The following KIRREL3 variants were observed in gnomAD, a reference collection of about 807,000 sequenced individuals.
KIRREL3 encodes the protein kirre like nephrin family adhesion molecule 3.
Under a neutral mutation model 89.7 loss-of-function variants are expected in KIRREL3, and 36 were observed. That is an observed-to-expected ratio of 0.40 (90% confidence interval 0.31 to 0.53). The LOEUF is 0.53. Ranked by LOEUF, KIRREL3 falls within the 20% of genes least tolerant of loss-of-function variation. The probability of loss-of-function intolerance (pLI) is 0.49; values close to 1 mark genes in which losing one functional copy is unlikely to be tolerated. For missense variants in KIRREL3, 864 were observed against 1,056.6 expected (o/e 0.82, Z 2.53); for synonymous variants, 445 against 441.4 (o/e 1.01, Z -0.10).
At position 126,797,925 on chromosome 11, in the gene KIRREL3, A is replaced by G. The variant is rs73022584; in HGVS notation, c.55+202530T>C. Reference sequence around the variant, plus strand: ...ATGTACATGCTGATCCTGAGGGCCTATGGACACTGCAAAGTAACACATGGG... The same window carrying G: ...ATGTACATGCTGATCCTGAGGGCCTGTGGACACTGCAAAGTAACACATGGG... On this transcript the variant is annotated intron_variant, in intron 1 of 16. Transcript: ENST00000525144. This position sits in a 1 kb window ranked among gnomAD's most constrained non-coding sequence, Gnocchi z 4.9. Among the ~76,000 whole-genome samples the G allele has an allele frequency of 0.024, 3,691 of 152,286 alleles. 66 individuals carry two copies. Among genetic ancestry groups the G allele is most frequent in the Non-Finnish European group, 0.034 (2,319 of 68,014 alleles).
intron 1 of KIRREL3, among the ~76,000 whole-genome samples, chr11:126,899,743 G>A (rs1565397930): frequency 1.3e-5 from 2 of 152,256 alleles, no homozygotes; most frequent in East Asian, 1.9e-4. Flanking sequence ...AGGAAGGTTG[G>A]TTAGCTAGGG....
At chr11:126,554,260 A>G (rs911929573) in intron 2 of KIRREL3, among the ~76,000 whole-genome samples, 27 of 152,194 alleles carry the variant, frequency 1.8e-4, no homozygotes, top group Admixed American at 1.8e-3. Flanking sequence ...CTTCCAAGAC[A>G]GCTAAGGTTT....
chr11:126,777,535 A>C (rs1950203252), intron 1 of KIRREL3, among the ~76,000 whole-genome samples: 1 of 152,172 alleles, frequency 6.6e-6, no homozygotes. Context: ...GCTGACTCCC[A>C]GCACAGGGCT....
intron 1 of KIRREL3, among the ~76,000 whole-genome samples, chr11:126,822,768 G>A (rs530365922): frequency 6.6e-6 from 1 of 152,246 alleles, no homozygotes; most frequent in African/African-American, 2.4e-5. Context: ...GGGCTGGCCG[G>A]AAGAGCCAGG....
At chr11:126,449,274 C>A in intron 7 of KIRREL3, 117 bp from the exon 8 acceptor site, 2 of 1,114,384 alleles carry the variant, frequency 1.8e-6, no homozygotes, top group Non-Finnish European at 2.6e-6. Flanking sequence ...AGTGGGGAGT[C>A]CTCTGGGGTC....
intron 1 of KIRREL3, among the ~76,000 whole-genome samples, chr11:126,810,733 G>A (rs532064282): frequency 6.6e-6 from 1 of 152,160 alleles, no homozygotes; most frequent in South Asian, 2.1e-4. Context: ...TATAAAATGG[G>A]CATCTGTTTG....
intron 1 of KIRREL3, among the ~76,000 whole-genome samples, chr11:126,848,718 C>A (rs1489345797): frequency 2.0e-5 from 3 of 152,186 alleles, no homozygotes; most frequent in African/African-American, 7.2e-5. Flanking sequence ...AATAAGCTTA[C>A]TCAATGTTTT....
intron 11 of KIRREL3, among the ~76,000 whole-genome samples, chr11:126,438,608 T>G (rs1203185313): frequency 1.3e-5 from 2 of 152,204 alleles, no homozygotes; most frequent in East Asian, 3.8e-4. Context: ...GGAGAGAAGG[T>G]GTGAAAATGT....
chr11:126,755,026 T>C lies in KIRREL3; in HGVS notation c.56-192114A>G, dbSNP rs1949445039. Among the ~76,000 whole-genome samples, 1 of 152,188 alleles carries C rather than the reference T, an allele frequency of 6.6e-6. No homozygotes were observed. The highest frequency in any genetic ancestry group is 2.4e-5 in the African/African-American group (1 of 41,448). ...TAAGAAAGGTTTGTATGAGTTTAAA[T>C]TGGGCCCAAGGAACCCAGATAAGAG... On this transcript the variant is annotated intron_variant, in intron 1 of 16. Coordinates refer to ENST00000525144, the MANE Select transcript of KIRREL3 (RefSeq NM_032531.4). The surrounding 1 kb of genome is among the most constrained non-coding windows in gnomAD (Gnocchi z 4.3).
At chr11:126,482,644 G>A (rs1243751742) in intron 4 of KIRREL3, among the ~76,000 whole-genome samples, 1 of 152,242 alleles carries the variant, frequency 6.6e-6, no homozygotes, top group Admixed American at 6.5e-5. Flanking sequence ...GGGGAGCTGG[G>A]ACTTAGAAGT....
chr11:126,831,760 G>A (rs1540250), intron 1 of KIRREL3, among the ~76,000 whole-genome samples: 131,358 of 152,130 alleles, frequency 0.86, 57,059 homozygotes, highest in East Asian at 1. Context: ...GGATCCTAAT[G>A]CCTTTCTATT....
intron 1 of KIRREL3, among the ~76,000 whole-genome samples, chr11:126,975,826 C>T (rs575341717): frequency 2.2e-4 from 33 of 152,064 alleles, no homozygotes; most frequent in Non-Finnish European, 4.1e-4. Context: ...CTTAATAATG[C>T]TAAGTTCGCT....
intron 1 of KIRREL3, among the ~76,000 whole-genome samples, chr11:126,869,176 C>A (rs969546057): frequency 5.1e-5 from 7 of 137,744 alleles, no homozygotes; most frequent in Non-Finnish European, 1.1e-4. Flanking sequence ...TTTTTTTTCT[C>A]CTAGCAGGAC....
chr11:126,886,921 G>T lies in KIRREL3; in HGVS notation c.55+113534C>A, dbSNP rs555486226. Among the ~76,000 whole-genome samples, 234 of 151,266 alleles carry T rather than the reference G, an allele frequency of 1.5e-3. 1 individual carries two copies. The highest frequency in any genetic ancestry group is 0.01 in the Middle Eastern group (3 of 294). ...TCCAATGGTGATCAGTTTCAGAAAT[G>T]TCTCCTCAGGGGAAAAAGGAAACTT... On this transcript the variant is annotated intron_variant, in intron 1 of 16. Transcript: ENST00000525144.
In KIRREL3 at chr11:126,551,914, G is replaced by T. The variant is rs1939299005; in HGVS notation, c.133+10921C>A. Among the ~76,000 whole-genome samples the T allele has an allele frequency of 6.6e-6, 1 of 152,206 alleles. No homozygotes were observed. Among genetic ancestry groups the T allele is most frequent in the African/African-American group, 2.4e-5 (1 of 41,450 alleles). On this transcript the variant is annotated intron_variant, in intron 2 of 16. Coordinates refer to ENST00000525144, the MANE Select transcript of KIRREL3 (RefSeq NM_032531.4). This position sits in a 1 kb window ranked among gnomAD's most constrained non-coding sequence, Gnocchi z 4.9. ...ACCCGCCTTGGCCTCCCAAAGTGCT[G>T]GGATTACAGGCGTGAGCCACTGTGC...
At chr11:126,539,301 G>GT (rs1938169007) in intron 2 of KIRREL3, among the ~76,000 whole-genome samples, 1 of 152,168 alleles carries the variant, frequency 6.6e-6, no homozygotes, top group African/African-American at 2.4e-5. Flanking sequence ...GACTCTCTTA[G>GT]TACAGCGCAA....
rs1340395440 is a variant in KIRREL3, at chr11:126,508,182, T to C, written c.433+13133A>G. Among the ~76,000 whole-genome samples the C allele has an allele frequency of 2.0e-5, 3 of 152,204 alleles. No homozygotes were observed. Among genetic ancestry groups the C allele is most frequent in the Non-Finnish European group, 2.9e-5 (2 of 68,042 alleles). ...GAAAACCTCTTCCTTTATATAAACATTTATAAACACCTGGATCGACTTGTG... is the reference window on the plus strand; with the variant it reads ...GAAAACCTCTTCCTTTATATAAACACTTATAAACACCTGGATCGACTTGTG... On this transcript the variant is annotated intron_variant, in intron 4 of 16. Transcript: ENST00000525144. This position sits in a 1 kb window ranked among gnomAD's most constrained non-coding sequence, Gnocchi z 4.9.
At position 126,496,501 on chromosome 11, in the gene KIRREL3, C is replaced by T. The variant is rs1480585518; in HGVS notation, c.434-23035G>A. Among the ~76,000 whole-genome samples the T allele has an allele frequency of 4.6e-5, 7 of 152,140 alleles. No individual in the cohort carries two copies. Among genetic ancestry groups the T allele is most frequent in the African/African-American group, 1.7e-4 (7 of 41,512 alleles). On this transcript the variant is annotated intron_variant, in intron 4 of 16. Coordinates refer to ENST00000525144, the MANE Select transcript of KIRREL3 (RefSeq NM_032531.4). This position sits in a 1 kb window ranked among gnomAD's most constrained non-coding sequence, Gnocchi z 4.9. Reference sequence around the variant, plus strand: ...TGCCACCCCATGGCTGCCATTTCTTCTCACTCCCTTCACAAATGAGAACCC... The same window carrying T: ...TGCCACCCCATGGCTGCCATTTCTTTTCACTCCCTTCACAAATGAGAACCC...
intron 4 of KIRREL3, among the ~76,000 whole-genome samples, chr11:126,497,733 G>T (rs1453747440): frequency 6.6e-6 from 1 of 152,244 alleles, no homozygotes; most frequent in Non-Finnish European, 1.5e-5. Flanking sequence ...AGCCACGCCA[G>T]TGCACATGGA....
Sources: gnomAD v4.1 joint callset for allele counts (sites outside exome capture counted in the v4.1 genomes callset) on GRCh38, gnomAD v4.1.1 for gene constraint, Gnocchi (gnomAD v3.1) non-coding constraint, MANE v1.5 for transcripts, NCBI Gene and HGNC (gene_info 2026-07-23, HGNC 2026-07-21) for gene names.